MLLT10: variants seen among roughly 807,000 people sequenced by gnomAD.
MLLT10 encodes protein AF-10.
A neutral mutation model predicts 129.1 loss-of-function variants in MLLT10; 30 were observed. That is an observed-to-expected ratio of 0.23 (90% CI 0.17 to 0.32). The LOEUF is 0.32. MLLT10 is among the 10% of genes least tolerant of loss of function. The pLI is 1.00. For synonymous variants in MLLT10, 490 were observed against 446.4 expected (o/e 1.10, Z -1.23); for missense variants, 1,119 against 1,268.3 (o/e 0.88, Z 1.79).
chr10:21,726,460 T>TAG, intron 15 of MLLT10, 105 bp downstream of exon 15: 1 of 719,128 alleles, frequency 1.4e-6, no homozygotes, highest in East Asian at 2.6e-5. Context: ...ATGTGGTTAG[T>TAG]AGAGGATTTG....
chr10:21,708,409 G>A (rs1440220908), intron 13 of MLLT10, among the ~76,000 whole-genome samples: 1 of 152,222 alleles, frequency 6.6e-6, no homozygotes, highest in Non-Finnish European at 1.5e-5. Flanking sequence ...TAAATAGAAA[G>A]CAGATACAGA....
chr10:21,580,180 G>A (rs919254157), intron 3 of MLLT10, among the ~76,000 whole-genome samples: 2 of 151,108 alleles, frequency 1.3e-5, no homozygotes, highest in African/African-American at 4.9e-5. Flanking sequence ...TGCCACGCTC[G>A]GCTTATAGTT....
At chr10:21,665,981 T>G (rs1334077254) in intron 9 of MLLT10, among the ~76,000 whole-genome samples, 2 of 152,194 alleles carry the variant, frequency 1.3e-5, no homozygotes, top group African/African-American at 4.8e-5. Context: ...AATTACAGTG[T>G]GAGCCACTGC....
intron 8 of MLLT10, 42 bp from the exon 9 acceptor site, chr10:21,651,631 A>G (rs778896531): frequency 2.9e-6 from 4 of 1,387,646 alleles, no homozygotes; most frequent in Non-Finnish European, 2.0e-6. Context: ...ATATGGGGTT[A>G]TAGTTAAATT....
intron 14 of MLLT10, among the ~76,000 whole-genome samples, chr10:21,725,924 G>A (rs1005732998): frequency 6.6e-6 from 1 of 151,548 alleles, no homozygotes; most frequent in Non-Finnish European, 1.5e-5. Flanking sequence ...CTAATTTTTT[G>A]TATTTTTAGT....
In MLLT10 at chr10:21,681,279, C is replaced by G. The variant is rs1463752684; in HGVS notation, c.1622-53C>G. The G allele has an allele frequency of 6.2e-6, 10 of 1,607,828 alleles. No homozygotes were observed. In the Admixed American group the frequency reaches 1.4e-4, roughly 22 times the overall value. Reference sequence around the variant, plus strand: ...TTTCTGGCCTATCTCTTTTTTTACCCTTGAGTCACTGGCAATTTCTTCACT... The same window carrying G: ...TTTCTGGCCTATCTCTTTTTTTACCGTTGAGTCACTGGCAATTTCTTCACT... On this transcript the variant is annotated intron_variant, in intron 11 of 22. Transcript: ENST00000307729.
intron 3 of MLLT10, among the ~76,000 whole-genome samples, chr10:21,575,178 CTTATT>C (rs770106739): frequency 2.1e-4 from 32 of 151,708 alleles, no homozygotes; most frequent in East Asian, 9.6e-4. Flanking sequence ...TAGAACCCTA[CTTATT>C]TTATTTTATT....
chr10:21,579,877 A>G (rs893563891), intron 3 of MLLT10, among the ~76,000 whole-genome samples: 3 of 151,956 alleles, frequency 2.0e-5, no homozygotes, highest in Non-Finnish European at 4.4e-5. Context: ...ATTAGATTCT[A>G]TCTATTGATG....
intron 13 of MLLT10, among the ~76,000 whole-genome samples, chr10:21,700,094 C>T (rs913167188): frequency 3.4e-5 from 5 of 147,296 alleles, no homozygotes; most frequent in African/African-American, 7.5e-5. Context: ...TTCACCTACT[C>T]GGTTAAATGT....
At chr10:21,670,872 AT>A (rs1010055314) in intron 10 of MLLT10, 168 bp downstream of exon 10, 25 of 699,044 alleles carry the variant, frequency 3.6e-5, no homozygotes, top group Middle Eastern at 4.4e-4. Context: ...TTCCTATTAA[AT>A]TTTTTTAATA....
intron 8 of MLLT10, among the ~76,000 whole-genome samples, chr10:21,623,064 G>A (rs2046054543): frequency 6.6e-6 from 1 of 152,238 alleles, no homozygotes; most frequent in South Asian, 2.1e-4. Context: ...GGGGAGGTAG[G>A]TAGAGCTTCC....
At chr10:21,676,412 C>T (rs554420403) in intron 11 of MLLT10, among the ~76,000 whole-genome samples, 5 of 146,616 alleles carry the variant, frequency 3.4e-5, no homozygotes, top group East Asian at 2.0e-4. Flanking sequence ...AGCGAGACTC[C>T]GTCTCAAAAA....
At chr10:21,599,421 T>A (rs2043311600) in intron 5 of MLLT10, among the ~76,000 whole-genome samples, 2 of 152,192 alleles carry the variant, frequency 1.3e-5, no homozygotes, top group African/African-American at 4.8e-5. Context: ...TAATCTCTAT[T>A]ACTGTATCCA....
chr10:21,620,504 A>G (rs1348000457), intron 8 of MLLT10, among the ~76,000 whole-genome samples: 1 of 152,216 alleles, frequency 6.6e-6, no homozygotes. Context: ...CATTTTTAAC[A>G]GGATATTTTC....
rs772930669 is a variant in MLLT10 at position 21,726,318 on chromosome 10, G to A, written c.1953G>A (p.Met651Ile). ...ATGGCAATAGATCAAATTCATCAATGGCAGCTCTTATAGCTCAGTCTGAAA... is the reference window on the plus strand; with the variant it reads ...ATGGCAATAGATCAAATTCATCAATAGCAGCTCTTATAGCTCAGTCTGAAA... ...HMYGNRSNSS[M>I]AALIAQSENN... is the part of the protein sequence containing the mutation. Residue 651 changes from methionine to isoleucine, a missense_variant, in exon 15 of 23, where the codon ATG becomes ATA. Physicochemically the swap from Met to Ile is conservative, Grantham distance 10 (BLOSUM62 1). Around this residue, in one of 5 missense-constraint regions of MLLT10, gnomAD observed 1,004 missense variants for 1,008.7 expected, o/e 1.00. Coordinates refer to ENST00000307729, the MANE Select transcript of MLLT10 (RefSeq NM_001195626.3). The A allele has an allele frequency of 6.2e-7, 1 of 1,612,890 alleles. No individual in the cohort carries two copies. The highest frequency in any genetic ancestry group is 8.5e-7 in the Non-Finnish European group (1 of 1,179,202).
intron 3 of MLLT10, among the ~76,000 whole-genome samples, chr10:21,548,644 C>T (rs2036486391): frequency 6.6e-6 from 1 of 152,156 alleles, no homozygotes; most frequent in African/African-American, 2.4e-5. Context: ...GCTGGGATCA[C>T]AGGTGTGAGC....
intron 13 of MLLT10, among the ~76,000 whole-genome samples, chr10:21,694,696 G>GT (rs1252660696): frequency 6.6e-6 from 1 of 152,184 alleles, no homozygotes; most frequent in Non-Finnish European, 1.5e-5. Context: ...TTCTGGCACT[G>GT]TAAGTACATT....
intron 17 of MLLT10, among the ~76,000 whole-genome samples, chr10:21,731,439 TATACA>T (rs1398144582): frequency 6.6e-6 from 1 of 152,200 alleles, no homozygotes; most frequent in Non-Finnish European, 1.5e-5. Context: ...TTACCATGAT[TATACA>T]TATTGGTACT....
chr10:21,666,861 G>A (rs1242190784), intron 9 of MLLT10, among the ~76,000 whole-genome samples: 1 of 152,086 alleles, frequency 6.6e-6, no homozygotes, highest in Non-Finnish European at 1.5e-5. Context: ...TGAGTGGTGT[G>A]ATGAGAAATT....
Sources: allele counts gnomAD v4.1 joint callset (sites outside exome capture counted in the v4.1 genomes callset), GRCh38; gene constraint gnomAD v4.1.1; regional missense constraint gnomAD v4.1.1; transcripts MANE v1.5; gene names NCBI Gene and HGNC (gene_info 2026-07-23, HGNC 2026-07-21).